CNNM2: variants seen among roughly 807,000 people sequenced by gnomAD.
CNNM2 encodes the protein metal transporter CNNM2.
A neutral mutation model predicts 66.9 loss-of-function variants in CNNM2; 12 were observed. The observed-to-expected ratio is 0.18, with a 90% confidence interval of 0.11 to 0.29. The LOEUF (loss-of-function observed/expected upper bound fraction) is 0.29. CNNM2 is among the 10% of genes least tolerant of loss of function. The pLI is 1.00. For synonymous variants in CNNM2, 557 were observed against 501.8 expected (o/e 1.11, Z -1.47); for missense variants, 705 against 1,167.7 (o/e 0.60, Z 5.77).
intron 1 of CNNM2, among the ~76,000 whole-genome samples, chr10:102,987,174 GGAA>G (rs933354497): frequency 2.6e-5 from 4 of 152,068 alleles, no homozygotes; most frequent in African/African-American, 4.8e-5. Context: ...AGAGTTTGAA[GGAA>G]GAAGAAGAAA....
chr10:102,955,815 C>T (rs556710593), intron 1 of CNNM2, among the ~76,000 whole-genome samples: 2 of 152,310 alleles, frequency 1.3e-5, no homozygotes, highest in South Asian at 4.1e-4. Flanking sequence ...CAAATCAAAA[C>T]CACAATGAGA....
intron 6 of CNNM2, among the ~76,000 whole-genome samples, chr10:103,073,053 A>G (rs1263039138): frequency 6.6e-6 from 1 of 152,254 alleles, no homozygotes; most frequent in Non-Finnish European, 1.5e-5. Context: ...GGCTCTGAGC[A>G]GTGGGCTCAA....
At chr10:102,983,387 C>T (rs553758355) in intron 1 of CNNM2, among the ~76,000 whole-genome samples, 13 of 148,758 alleles carry the variant, frequency 8.7e-5, no homozygotes, top group East Asian at 5.9e-4. Context: ...TTAGGTCGGG[C>T]GTGGTGGCTC....
At chr10:103,027,293 A>C (rs1177406193) in intron 1 of CNNM2, 1 of 152,266 alleles carries the variant, frequency 6.6e-6, no homozygotes, top group South Asian at 2.1e-4. Flanking sequence ...AGGAAAATAC[A>C]AAGTAGTTCC....
At chr10:102,999,876 CAG>C (rs1385497514) in intron 1 of CNNM2, among the ~76,000 whole-genome samples, 1 of 152,152 alleles carries the variant, frequency 6.6e-6, no homozygotes, top group African/African-American at 2.4e-5. Flanking sequence ...GTCAAAAAAA[CAG>C]AACATAAGAA....
rs1639719470 is a variant in CNNM2 at position 103,077,842 on chromosome 10, TG to T, written c.*663del. 6.5e-6 allele frequency: 1 copy of T among 152,708 alleles called. No individual in the cohort carries two copies. The highest frequency in any genetic ancestry group is 2.4e-5 in the African/African-American group (1 of 41,468). The allele number at this position is 152,708 out of a possible 1,614,324, so 9.5% of individuals were successfully genotyped here. On this transcript the variant is annotated 3_prime_UTR_variant, in exon 8 of 8. Transcript: ENST00000369878. ...GTATTTTGAGAATTTAATGTTTAAC[TG>T]TACCCCTTTCCCTCAGGAAGATTTA...
In CNNM2 at chr10:103,077,143, A is replaced by G; in HGVS notation, c.2591A>G (p.Lys864Arg). The stretch of plus-strand genomic sequence containing the variant: ...GAACAGAACTGTGTGACGCACAGTA[A>G]GGCCAACCACAGCCTGCACAACGAA... ...LNEQNCVTHS[K>R]ANHSLHNEGA... is the part of the protein sequence containing the mutation. Residue 864 changes from lysine (K) to arginine (R), a missense_variant, in exon 8 of 8, where the codon AAG becomes AGG. By Grantham distance (26) the Lys-to-Arg change is conservative. Transcript: ENST00000369878. 3.7e-6 allele frequency: 6 copies of G among 1,613,818 alleles called. No individual in the cohort carries two copies. Among genetic ancestry groups the G allele is most frequent in the Non-Finnish European group, 5.1e-6 (6 of 1,179,904 alleles).
chr10:103,066,179 C>G (rs938697823), intron 4 of CNNM2, among the ~76,000 whole-genome samples: 1 of 152,170 alleles, frequency 6.6e-6, no homozygotes, highest in Non-Finnish European at 1.5e-5. Context: ...GTCTGGGCCT[C>G]CCTTTTCAGG....
rs1198370973 is a variant in CNNM2, at chr10:103,084,278, CTTACACTTG to C, written c.*7101_*7109del. 6.6e-6 allele frequency: 1 copy of C among 152,208 alleles called. No homozygotes were observed. The allele number at this position is 152,208 out of a possible 1,614,324, so 9.4% of individuals were successfully genotyped here. A position where few individuals can be genotyped will look rare whatever the true frequency, so the allele number is the denominator to read the frequency against. On this transcript the variant is annotated 3_prime_UTR_variant, in exon 8 of 8. Coordinates refer to ENST00000369878, the MANE Select transcript of CNNM2 (RefSeq NM_017649.5). ...TAACCGTGGCATTTGCAGTCTTTTA[CTTACACTTG>C]TTCTGTGGATGGAGACATTTCAGGG...
chr10:103,005,134 C>G (rs1483747126), intron 1 of CNNM2, among the ~76,000 whole-genome samples: 1 of 151,576 alleles, frequency 6.6e-6, no homozygotes, highest in Non-Finnish European at 1.5e-5. Flanking sequence ...AGGCTGGTCT[C>G]GAACTCATGA....
intron 6 of CNNM2, among the ~76,000 whole-genome samples, chr10:103,073,848 G>A (rs533010489): frequency 1.6e-5 from 2 of 123,368 alleles, no homozygotes; most frequent in East Asian, 4.7e-4. Flanking sequence ...TGGCCTGGGC[G>A]ACAGAGCGAG....
At chr10:103,038,842 A>C (rs980006655) in intron 1 of CNNM2, among the ~76,000 whole-genome samples, 1 of 152,196 alleles carries the variant, frequency 6.6e-6, no homozygotes, top group Non-Finnish European at 1.5e-5. Context: ...AGTGGCTTCT[A>C]TATACAGCAA....
intron 1 of CNNM2, among the ~76,000 whole-genome samples, chr10:103,002,134 G>A (rs930977031): frequency 6.6e-6 from 1 of 152,076 alleles, no homozygotes; most frequent in African/African-American, 2.4e-5. Flanking sequence ...TTGATGAATT[G>A]GACATCACAG....
chr10:102,919,130 G>A lies in CNNM2; in HGVS notation c.650G>A (p.Gly217Asp). Residue 217 changes from glycine (G) to aspartate (D), a missense_variant, in exon 1 of 8, where the codon GGC becomes GAC. Gly to Asp is a moderately conservative substitution (Grantham distance 94). Transcript: ENST00000369878. ...GGTGGCGCCGTCGGGGGCAAGGGTG[G>A]CTCGGGGGTGGCCGGGCTCCCGCCG... is the stretch of plus-strand genomic sequence containing the variant. ...STGGAVGGKG[G>D]SGVAGLPPPP... 1 of 1,610,566 alleles carries A rather than the reference G, an allele frequency of 6.2e-7. No homozygotes were observed. Among genetic ancestry groups the A allele is most frequent in the Non-Finnish European group, 8.5e-7 (1 of 1,179,468 alleles).
At chr10:102,933,804 A>G (rs1846138555) in intron 1 of CNNM2, among the ~76,000 whole-genome samples, 1 of 152,108 alleles carries the variant, frequency 6.6e-6, no homozygotes, top group African/African-American at 2.4e-5. Context: ...CGGATATGGA[A>G]TTGGGAAGAT....
At chr10:103,002,554 A>G (rs1337200774) in intron 1 of CNNM2, among the ~76,000 whole-genome samples, 2 of 142,996 alleles carry the variant, frequency 1.4e-5, no homozygotes, top group Admixed American at 7.4e-5. Flanking sequence ...ATCTTGGCCC[A>G]CTGCAGCCTC....
chr10:102,958,896 C>T (rs113197987), intron 1 of CNNM2, among the ~76,000 whole-genome samples: 18 of 152,028 alleles, frequency 1.2e-4, no homozygotes, highest in Non-Finnish European at 2.2e-4. Context: ...GATTGTGAGG[C>T]AGGATAGTTA....
Position 102,977,595 on chromosome 10 carries a change from T to A in CNNM2, c.1621+57494T>A, listed in dbSNP as rs555686111. Among the ~76,000 whole-genome samples, 7 of 152,158 alleles carry A rather than the reference T, an allele frequency of 4.6e-5. No homozygotes were observed. In the East Asian group the frequency reaches 1.4e-3, roughly 30 times the overall value. Reference sequence around the variant, plus strand: ...CAGCACTTTGGGAGGCCAAGGTGGGTGGATCACCTGAGGTCAGGAGTTCAA... The same window carrying A: ...CAGCACTTTGGGAGGCCAAGGTGGGAGGATCACCTGAGGTCAGGAGTTCAA... On this transcript the variant is annotated intron_variant, in intron 1 of 7. Transcript: ENST00000369878.
rs1343656884 is a variant in CNNM2 at position 103,038,731 on chromosome 10, G to A, written c.1622-10976G>A. Among the ~76,000 whole-genome samples, 6 of 152,186 alleles carry A rather than the reference G, an allele frequency of 3.9e-5. No individual in the cohort carries two copies. In the East Asian group the frequency reaches 1.2e-3, roughly 29 times the overall value. ...GGACTGAAGGAACTGTCCTGCTAGG[G>A]AGGTCTGGGCCGGCCACTTATGGGT... On this transcript the variant is annotated intron_variant, in intron 1 of 7. Transcript: ENST00000369878.
Sources: allele counts gnomAD v4.1 joint callset (sites outside exome capture counted in the v4.1 genomes callset), GRCh38; gene constraint gnomAD v4.1.1; transcripts MANE v1.5; gene names NCBI Gene and HGNC (gene_info 2026-07-23, HGNC 2026-07-21).